ESRRG: variants seen among roughly 807,000 people sequenced by gnomAD.
ESRRG encodes estrogen related receptor gamma.
ESRRG carries 13 observed loss-of-function variants against 44.0 expected under a neutral mutation model. The ratio of observed to expected loss-of-function variants is 0.30; its 90% confidence interval spans 0.19 to 0.47. ESRRG has a LOEUF of 0.47. ESRRG is among the 20% of genes least tolerant of loss of function. The pLI is 1.00. For synonymous variants in ESRRG, 215 were observed against 214.6 expected, an observed-to-expected ratio of 1.00 and a Z score of -0.02; for missense variants, 395 against 580.6, an observed-to-expected ratio of 0.68 and a Z score of 3.29.
intron 3 of ESRRG, among the ~76,000 whole-genome samples, chr1:216,569,929 T>A (rs1224965076): frequency 6.6e-6 from 1 of 152,158 alleles, no homozygotes; most frequent in African/African-American, 2.4e-5. Flanking sequence ...GAGCTCCAGT[T>A]TTTTTGGAAT....
At chr1:216,869,193 A>C (rs2149191529) in intron 2 of ESRRG, among the ~76,000 whole-genome samples, 1 of 152,188 alleles carries the variant, frequency 6.6e-6, no homozygotes, top group Admixed American at 6.5e-5. Flanking sequence ...TTATAGTTTT[A>C]TGTTTTACAT....
At chr1:216,789,784 T>C (rs2094254200) in intron 2 of ESRRG, among the ~76,000 whole-genome samples, 1 of 152,098 alleles carries the variant, frequency 6.6e-6, no homozygotes, top group Non-Finnish European at 1.5e-5. Context: ...GGTAGAAATA[T>C]AAAAGATAAA....
At chr1:217,050,471 G>C (rs1431414707) in intron 1 of ESRRG, among the ~76,000 whole-genome samples, 2 of 152,164 alleles carry the variant, frequency 1.3e-5, no homozygotes, top group Non-Finnish European at 2.9e-5. Flanking sequence ...TTCTGCACGT[G>C]AGTGAAGACT....
At chr1:216,922,965 G>GC (rs35434400) in intron 2 of ESRRG, among the ~76,000 whole-genome samples, 11,129 of 152,176 alleles carry the variant, frequency 0.073, 470 homozygotes, top group Non-Finnish European at 0.091. Flanking sequence ...AGATAACTAT[G>GC]CCCTAAGTCT....
At chr1:216,881,804 T>A (rs1276743786) in intron 2 of ESRRG, among the ~76,000 whole-genome samples, 2 of 152,138 alleles carry the variant, frequency 1.3e-5, no homozygotes, top group African/African-American at 4.8e-5. Context: ...TCAAGGGGAA[T>A]GAAGATTTAT....
At chr1:216,954,015 A>G (rs2150103990) in intron 1 of ESRRG, among the ~76,000 whole-genome samples, 1 of 152,224 alleles carries the variant, frequency 6.6e-6, no homozygotes, top group South Asian at 2.1e-4. Context: ...TCATTACTTT[A>G]GATTTTCTAT....
intron 5 of ESRRG, among the ~76,000 whole-genome samples, chr1:216,554,782 C>T (rs185411123): frequency 1.1e-3 from 167 of 152,164 alleles, no homozygotes; most frequent in East Asian, 2.7e-3. Context: ...AATAGTGCTT[C>T]GACTACATCT....
intron 5 of ESRRG, among the ~76,000 whole-genome samples, chr1:216,547,708 G>A (rs1377157754): frequency 6.6e-6 from 1 of 152,000 alleles, no homozygotes; most frequent in African/African-American, 2.4e-5. Flanking sequence ...GTTTGTTTTT[G>A]TACACATTAG....
chr1:217,112,539 TA>T (rs2092672576), intron 1 of ESRRG, among the ~76,000 whole-genome samples: 1 of 152,186 alleles, frequency 6.6e-6, no homozygotes, highest in South Asian at 2.1e-4. Context: ...AGGATCTGAC[TA>T]AGATTTCCAG....
At chr1:216,923,909 G>A (rs1476294001) in intron 2 of ESRRG, among the ~76,000 whole-genome samples, 1 of 152,200 alleles carries the variant, frequency 6.6e-6, no homozygotes, top group Non-Finnish European at 1.5e-5. Context: ...CCAGGCAGTG[G>A]CCATAATTAA....
chr1:217,060,214 T>G (rs1254456981), intron 1 of ESRRG, among the ~76,000 whole-genome samples: 1 of 152,084 alleles, frequency 6.6e-6, no homozygotes, highest in Non-Finnish European at 1.5e-5. Flanking sequence ...ATTTGTGTTT[T>G]AATTACAAAA....
At chr1:216,715,214 T>C in intron 1 of ESRRG, 2 of 985,414 alleles carry the variant, frequency 2.0e-6, no homozygotes, top group African/African-American at 1.7e-5. Flanking sequence ...TGTGACACTA[T>C]GATCCCATGA....
At chr1:216,734,122 T>C (rs2089423096) in intron 2 of ESRRG, among the ~76,000 whole-genome samples, 1 of 152,132 alleles carries the variant, frequency 6.6e-6, no homozygotes, top group Non-Finnish European at 1.5e-5. Flanking sequence ...AAATGGTTTG[T>C]GTCAAGGTAG....
chr1:216,797,867 A>C (rs1257016184), intron 2 of ESRRG, among the ~76,000 whole-genome samples: 1 of 152,162 alleles, frequency 6.6e-6, no homozygotes, highest in Non-Finnish European at 1.5e-5. Flanking sequence ...TACTTTTAGA[A>C]GGAAGTATAG....
At chr1:216,518,620 T>G (rs1206803005) in intron 6 of ESRRG, among the ~76,000 whole-genome samples, 2 of 152,228 alleles carry the variant, frequency 1.3e-5, no homozygotes, top group Non-Finnish European at 2.9e-5. Context: ...TCAGTTCGAA[T>G]GTAAAGACCA....
chr1:216,984,599 T>C (rs1327676269), intron 1 of ESRRG, among the ~76,000 whole-genome samples: 2 of 152,184 alleles, frequency 1.3e-5, no homozygotes, highest in Non-Finnish European at 2.9e-5. Flanking sequence ...CAGGTGTCCA[T>C]AAAAACATCT....
intron 1 of ESRRG, among the ~76,000 whole-genome samples, chr1:216,964,732 A>C (rs2069879856): frequency 6.8e-6 from 1 of 146,600 alleles, no homozygotes; most frequent in African/African-American, 2.6e-5. Flanking sequence ...GTTCTTTATA[A>C]AAGGAGAAGA....
At chr1:216,636,602 C>T (rs2065347245) in intron 3 of ESRRG, among the ~76,000 whole-genome samples, 1 of 152,178 alleles carries the variant, frequency 6.6e-6, no homozygotes, top group Non-Finnish European at 1.5e-5. Flanking sequence ...GCACTGTCTC[C>T]TTTTGGGTTT....
At chr1:216,990,246 T>TA (rs949780432) in intron 1 of ESRRG, among the ~76,000 whole-genome samples, 2 of 152,130 alleles carry the variant, frequency 1.3e-5, no homozygotes, top group Non-Finnish European at 2.9e-5. Flanking sequence ...AACCCAACCC[T>TA]AAAAAATGGA....
Sources: allele counts gnomAD v4.1 joint callset (sites outside exome capture counted in the v4.1 genomes callset), GRCh38; gene constraint gnomAD v4.1.1; transcripts MANE v1.5; gene names NCBI Gene and HGNC (gene_info 2026-07-23, HGNC 2026-07-21).